Variants in KIAA1549 observed in about 807,000 individuals in gnomAD.
KIAA1549 encodes UPF0606 protein KIAA1549.
In KIAA1549, 70 loss-of-function variants were observed where a neutral mutation model predicts 156.4. The ratio of observed to expected loss-of-function variants is 0.45; its 90% CI spans 0.37 to 0.55. KIAA1549 has a LOEUF of 0.55. Ranked by LOEUF, KIAA1549 falls within the 20% of genes least tolerant of loss-of-function variation. The pLI, the probability that KIAA1549 is intolerant of heterozygous loss-of-function variation, is 0.00. For missense variants in KIAA1549, 2,428 were observed against 2,540.9 expected (o/e 0.96, Z 0.96); for synonymous variants, 1,103 against 1,066.4 (o/e 1.03, Z -0.67).
chr7:138,839,923 G>A (rs1044982010), intron 19 of KIAA1549, among the ~76,000 whole-genome samples: 6 of 151,162 alleles, frequency 4.0e-5, no homozygotes, highest in Non-Finnish European at 7.4e-5. Flanking sequence ...AAGTAGCTGG[G>A]ACTACCAGCA....
intron 18 of KIAA1549, among the ~76,000 whole-genome samples, chr7:138,843,251 A>G (rs1469408881): frequency 6.6e-6 from 1 of 152,242 alleles, no homozygotes; most frequent in African/African-American, 2.4e-5. Flanking sequence ...ATGCCACATT[A>G]TTATAAAAAT....
intron 18 of KIAA1549, among the ~76,000 whole-genome samples, chr7:138,842,249 G>T (rs1809942593): frequency 6.6e-6 from 1 of 152,140 alleles, no homozygotes. Context: ...TAACTATACA[G>T]CACAGGCTTC....
At chr7:138,893,513 C>T (rs1811600067) in intron 10 of KIAA1549, among the ~76,000 whole-genome samples, 1 of 152,182 alleles carries the variant, frequency 6.6e-6, no homozygotes, top group Admixed American at 6.5e-5. Context: ...AACACAATTC[C>T]TCTCAGTAGA....
intron 2 of KIAA1549, among the ~76,000 whole-genome samples, chr7:138,913,718 C>A (rs1305247832): frequency 6.6e-6 from 1 of 152,112 alleles, no homozygotes; most frequent in Non-Finnish European, 1.5e-5. Context: ...TATGAGACCA[C>A]TGGAACAAAT....
At chr7:138,883,113 AAAAAT>A (rs1811293037) in intron 10 of KIAA1549, among the ~76,000 whole-genome samples, 1 of 125,488 alleles carries the variant, frequency 8.0e-6, no homozygotes, top group African/African-American at 3.0e-5. Flanking sequence ...AAAAAAAAAA[AAAAAT>A]TCAGCCAGAC....
chr7:138,844,707 T>C (rs1438969949), intron 17 of KIAA1549, among the ~76,000 whole-genome samples: 1 of 152,126 alleles, frequency 6.6e-6, no homozygotes, highest in African/African-American at 2.4e-5. Flanking sequence ...CAGTTGATGC[T>C]GACAAAAGCC....
At chr7:138,963,882 A>C (rs759900742) in intron 1 of KIAA1549, among the ~76,000 whole-genome samples, 23 of 152,342 alleles carry the variant, frequency 1.5e-4, no homozygotes, top group Non-Finnish European at 2.8e-4. Context: ...TCAAAACCAC[A>C]AGGAAATGAT....
intron 16 of KIAA1549, among the ~76,000 whole-genome samples, chr7:138,853,519 TCA>T: frequency 6.6e-6 from 1 of 152,058 alleles, no homozygotes; most frequent in East Asian, 1.9e-4. Context: ...GGCTTTGGAG[TCA>T]CACAGACTGG....
At position 138,917,567 on chromosome 7, in the gene KIAA1549, T is replaced by C. The variant is rs1812373460; in HGVS notation, c.2059A>G (p.Ser687Gly). 1.2e-6 allele frequency: 2 copies of C among 1,613,858 alleles called. No individual in the cohort carries two copies. The highest frequency in any genetic ancestry group is 1.7e-6 in the Non-Finnish European group (2 of 1,179,868). ...DLQSSQLSLP[S>G]STNLEFSQLQ... Reference sequence around the variant, plus strand: ...TGCGAAAACTCAAGATTTGTGGAACTGGGAAGAGACAGCTGAGATGACTGC... The same window carrying C: ...TGCGAAAACTCAAGATTTGTGGAACCGGGAAGAGACAGCTGAGATGACTGC... The change falls in exon 2 of 20, where the codon AGT becomes GGT. Residue 687 changes from serine (S) to glycine (G), a missense_variant. Transcript: ENST00000422774.
chr7:138,956,581 C>A (rs1420935025), intron 1 of KIAA1549, among the ~76,000 whole-genome samples: 1 of 152,068 alleles, frequency 6.6e-6, no homozygotes, highest in African/African-American at 2.4e-5. Flanking sequence ...AAACCCCTTT[C>A]GCTTGGCTCT....
chr7:138,942,594 T>C lies in KIAA1549; in HGVS notation c.188-23156A>G, dbSNP rs114863122. Reference sequence around the variant, plus strand: ...GCCTTCTCAAGCACTGCACTGGTGATACATGCGCTCCCTTACCCGCAAAAG... The same window carrying C: ...GCCTTCTCAAGCACTGCACTGGTGACACATGCGCTCCCTTACCCGCAAAAG... On this transcript the variant is annotated intron_variant, in intron 1 of 19. Coordinates refer to ENST00000422774, the MANE Select transcript of KIAA1549 (RefSeq NM_001164665.2). 4.0e-3 allele frequency among the ~76,000 whole-genome samples: 614 copies of C among 151,920 alleles called. 5 individuals carry two copies. The highest frequency in any genetic ancestry group is 0.014 in the African/African-American group (598 of 41,416).
chr7:138,855,017 G>A lies in KIAA1549; in HGVS notation c.5248-2748C>T, dbSNP rs534480580. ...AAAACGAAGATTCTGGCAGCACGAT[G>A]TGGCTCCTAAGCCCATCCCCAGAAT... On this transcript the variant is annotated intron_variant, in intron 16 of 19. Coordinates refer to ENST00000422774, the MANE Select transcript of KIAA1549 (RefSeq NM_001164665.2). Among the ~76,000 whole-genome samples, 5 of 152,332 alleles carry A rather than the reference G, an allele frequency of 3.3e-5. No individual in the cohort carries two copies. The South Asian group carries it at 1.0e-3, about 32-fold the overall frequency.
At position 138,831,641 on chromosome 7, in the gene KIAA1549, T is replaced by G. The variant is rs1404429043; in HGVS notation, c.*6265A>C. 4.4e-6 allele frequency: 1 copy of G among 229,488 alleles called. No individual in the cohort carries two copies. Among genetic ancestry groups the G allele is most frequent in the Non-Finnish European group, 8.6e-6 (1 of 115,820 alleles). 14.2% of individuals were successfully genotyped at this position (229,488 alleles called of 1,614,324 possible). On this transcript the variant is annotated 3_prime_UTR_variant, in exon 20 of 20. Transcript: ENST00000422774. Reference sequence around the variant, plus strand: ...CAAACCATGATTGTCAAGTTTAAGTTGCAGTATTGATGCCACAGTTGGCCT... The same window carrying G: ...CAAACCATGATTGTCAAGTTTAAGTGGCAGTATTGATGCCACAGTTGGCCT...
chr7:138,876,080 T>G (rs1811076869), intron 12 of KIAA1549, among the ~76,000 whole-genome samples: 1 of 152,124 alleles, frequency 6.6e-6, no homozygotes, highest in Admixed American at 6.5e-5. Context: ...GCAATCACAT[T>G]TATCTCATCT....
chr7:138,966,892 C>T (rs1403555920), intron 1 of KIAA1549, among the ~76,000 whole-genome samples: 3 of 152,038 alleles, frequency 2.0e-5, no homozygotes, highest in African/African-American at 7.2e-5. Flanking sequence ...TCTTGGACTC[C>T]AGAACTATGA....
Position 138,871,364 on chromosome 7 carries a change from T to C in KIAA1549, c.4346-2A>G. On this transcript the variant is annotated splice_acceptor_variant, in intron 12 of 19. Coordinates refer to ENST00000422774, the MANE Select transcript of KIAA1549 (RefSeq NM_001164665.2). LOFTEE classifies it high-confidence loss of function. ...TTCCCGAACTGGGCAGTGGTGGCCC[T>C]GGAACAGAAGGAAAAGCAAAACACA... 1 of 1,513,026 alleles carries C rather than the reference T, an allele frequency of 6.6e-7. No homozygotes were observed. Among genetic ancestry groups the C allele is most frequent in the Non-Finnish European group, 8.8e-7 (1 of 1,132,666 alleles). 93.7% of individuals were successfully genotyped at this position (1,513,026 alleles called of 1,614,324 possible). A position where few individuals can be genotyped will look rare whatever the true frequency, so the allele number is the denominator to read the frequency against.
intron 18 of KIAA1549, among the ~76,000 whole-genome samples, chr7:138,842,912 A>C (rs987674825): frequency 1.3e-5 from 2 of 152,180 alleles, no homozygotes; most frequent in Non-Finnish European, 2.9e-5. Flanking sequence ...TTATGCAAAT[A>C]ATGCCGTGAT....
At position 138,917,816 on chromosome 7, in the gene KIAA1549, A is replaced by G. The variant is rs761108349; in HGVS notation, c.1810T>C (p.Ser604Pro). 1.3e-6 allele frequency: 2 copies of G among 1,594,966 alleles called. No individual in the cohort carries two copies. The highest frequency in any genetic ancestry group is 1.7e-6 in the Non-Finnish European group (2 of 1,170,680). Residue 604 changes from serine to proline, a missense_variant, in exon 2 of 20, where the codon TCT (serine) becomes CCT (proline). Transcript: ENST00000422774. ...LVPSVESSLF[S>P]DQERSSFSEH... ...GAAAAACTGGAACGTTCTTGGTCAGAGAAAAGTGAAGACTCCACTGAAGGA... is the reference window on the plus strand; with the variant it reads ...GAAAAACTGGAACGTTCTTGGTCAGGGAAAAGTGAAGACTCCACTGAAGGA...
intron 1 of KIAA1549, among the ~76,000 whole-genome samples, chr7:138,941,455 C>T (rs1813181829): frequency 6.6e-6 from 1 of 152,202 alleles, no homozygotes; most frequent in African/African-American, 2.4e-5. Context: ...TTAAGAAGTA[C>T]TAAAATAACC....
Sources: allele counts gnomAD v4.1 joint callset (sites outside exome capture counted in the v4.1 genomes callset), GRCh38; gene constraint gnomAD v4.1.1; transcripts MANE v1.5; gene names NCBI Gene and HGNC (gene_info 2026-07-23, HGNC 2026-07-21).